ANAPC4: variants seen among roughly 807,000 people sequenced by gnomAD.
The protein encoded by ANAPC4 is anaphase promoting complex subunit 4.
A neutral mutation model predicts 119.8 loss-of-function variants in ANAPC4; 63 were observed. The observed-to-expected ratio is 0.53, with a 90% confidence interval of 0.43 to 0.65. The LOEUF is 0.65. Among genes scored for constraint, ANAPC4 ranks in the 30% least tolerant of loss-of-function variants. ANAPC4 has a pLI of 0.00. For missense variants in ANAPC4, 716 were observed against 945.1 expected (o/e 0.76, Z 3.18); for synonymous variants, 283 against 318.6 (o/e 0.89, Z 1.19).
rs769312617 is a variant in ANAPC4, at chr4:25,383,293, A to G, written c.268A>G (p.Ile90Val). The G allele has an allele frequency of 6.2e-7, 1 of 1,611,242 alleles. No homozygotes were observed. The highest frequency in any genetic ancestry group is 8.5e-7 in the Non-Finnish European group (1 of 1,179,072). Residue 90 changes from isoleucine to valine, a missense_variant, in exon 4 of 29, where the codon ATT becomes GTT. Around this residue, in one of 3 missense-constraint regions of ANAPC4, gnomAD observed 202 missense variants for 293.5 expected, o/e 0.69. Coordinates refer to ENST00000315368, the MANE Select transcript of ANAPC4 (RefSeq NM_013367.3). ...CTTTGCTCTTGCTGATACCAAGAAA[A>G]TTGTTTTGTGTGATGTAGAAAAACC... ...LAFALADTKKIVLCDVEKPES... is the reference protein window; with the variant it reads ...LAFALADTKKVVLCDVEKPES...
In ANAPC4 at chr4:25,418,090, T is replaced by A. The variant is rs1472672980; in HGVS notation, c.2200-65T>A. The A allele has an allele frequency of 2.2e-5, 31 of 1,401,714 alleles. No homozygotes were observed. The South Asian group carries it at 3.9e-4, about 17-fold the overall frequency. 86.8% of individuals were successfully genotyped at this position (1,401,714 alleles called of 1,614,324 possible). On this transcript the variant is annotated intron_variant, in intron 28 of 28. Transcript: ENST00000315368. ...CCATTCTTTGATTCAGACTTCTGAT[T>A]TCTAATTCTTTATATATGATAAGCC... is the stretch of plus-strand genomic sequence containing the variant.
chr4:25,418,163 A>C lies in ANAPC4; in HGVS notation c.2208A>C (p.Ser736=). ...GGCCTTTTCTTTTTTAGTTAAGCTC[A>C]AATCTTCGTCATGTGAGAGTATTTG... ...GFRKVSCVLS[S]NLRHVRVFEM... The change falls in exon 29 of 29, where the codon TCA becomes TCC. Residue 736 remains serine, a synonymous_variant. Coordinates refer to ENST00000315368, the MANE Select transcript of ANAPC4 (RefSeq NM_013367.3). The C allele has an allele frequency of 1.2e-6, 2 of 1,612,582 alleles. No homozygotes were observed. Among genetic ancestry groups the C allele is most frequent in the Middle Eastern group, 3.3e-4 (2 of 6,052 alleles).
At chr4:25,417,419 C>T (rs929212705) in intron 27 of ANAPC4, 197 bp from the exon 28 acceptor site, 1 of 482,844 alleles carries the variant, frequency 2.1e-6, no homozygotes, top group Non-Finnish European at 3.2e-6. Flanking sequence ...CTGTGCCTAG[C>T]CAGAATATAG....
chr4:25,392,279 T>C, intron 9 of ANAPC4, 59 bp from the exon 10 acceptor site: 1 of 1,220,604 alleles, frequency 8.2e-7, no homozygotes, highest in Admixed American at 1.7e-5. Flanking sequence ...CACTCTAAAT[T>C]ACAGACTTTG....
intron 10 of ANAPC4, among the ~76,000 whole-genome samples, chr4:25,392,988 G>C (rs1249141337): frequency 6.6e-6 from 1 of 152,154 alleles, no homozygotes; most frequent in African/African-American, 2.4e-5. Flanking sequence ...GACTTTTGAG[G>C]CCCTGGAGTC....
At chr4:25,416,666 A>G (rs1577404936) in intron 27 of ANAPC4, 68 bp downstream of exon 27, 4 of 1,266,606 alleles carry the variant, frequency 3.2e-6, no homozygotes, top group Non-Finnish European at 4.2e-6. Context: ...ATAAATTCCA[A>G]CCTTTTAGGT....
chr4:25,378,291 T>G (rs557127381), intron 2 of ANAPC4, among the ~76,000 whole-genome samples: 87 of 152,324 alleles, frequency 5.7e-4, no homozygotes, highest in African/African-American at 2.0e-3. Context: ...GCCTCTGGCT[T>G]GAGAGTTATC....
chr4:25,391,044 G>A, intron 9 of ANAPC4, 29 bp downstream of exon 9: 2 of 1,461,600 alleles, frequency 1.4e-6, no homozygotes, highest in South Asian at 2.3e-5. Context: ...TAACGGTAGA[G>A]AGTAAATATG....
rs1191466541 is a variant in ANAPC4, at chr4:25,418,365, C to G, written c.2410C>G (p.Pro804Ala). 1 of 1,613,932 alleles carries G rather than the reference C, an allele frequency of 6.2e-7. No homozygotes were observed. Among genetic ancestry groups the G allele is most frequent in the African/African-American group, 1.3e-5 (1 of 74,988 alleles). The change falls in exon 29 of 29, where the codon CCT (proline) becomes GCT (alanine). Residue 804 changes from proline (P) to alanine (A), a missense_variant. Pro to Ala is a conservative substitution (Grantham distance 27). Coordinates refer to ENST00000315368, the MANE Select transcript of ANAPC4 (RefSeq NM_013367.3). ...AGTCATTAAAGTGGAAAAACTTGAC[C>G]CTGAGCTAGACTCCTAATCTAGCTT... Reference protein sequence around the residue: ...EIVIKVEKLDPELDS With the variant: ...EIVIKVEKLDAELDS
Position 25,417,569 on chromosome 4 carries a change from G to C in ANAPC4, c.2076-47G>C, listed in dbSNP as rs761387257. 7.2e-6 allele frequency: 11 copies of C among 1,528,692 alleles called. No homozygotes were observed. In the South Asian group the frequency reaches 1.5e-4, roughly 20 times the overall value. The allele number at this position is 1,528,692 out of a possible 1,614,324, so 94.7% of individuals were successfully genotyped here. On this transcript the variant is annotated intron_variant, in intron 27 of 28. Coordinates refer to ENST00000315368, the MANE Select transcript of ANAPC4 (RefSeq NM_013367.3). Reference sequence around the variant, plus strand: ...TACCACCTGTAGTAAAACTAGGGAGGATAAGATCCCCTTTTCATTCCTGAG... The same window carrying C: ...TACCACCTGTAGTAAAACTAGGGAGCATAAGATCCCCTTTTCATTCCTGAG...
At chr4:25,417,908 C>A (rs1191494890) in intron 28 of ANAPC4, 169 bp downstream of exon 28, 3 of 1,002,966 alleles carry the variant, frequency 3.0e-6, no homozygotes, top group Non-Finnish European at 4.2e-6. Context: ...CTATTTAGTT[C>A]TTGTTCTGAT....
At chr4:25,379,400 A>G (rs1380539035) in intron 2 of ANAPC4, among the ~76,000 whole-genome samples, 1 of 152,182 alleles carries the variant, frequency 6.6e-6, no homozygotes, top group African/African-American at 2.4e-5. Flanking sequence ...AGCGAGTGGT[A>G]TGGTCTGATT....
chr4:25,409,582 A>C, intron 20 of ANAPC4, 116 bp from the exon 21 acceptor site: 2 of 654,154 alleles, frequency 3.1e-6, no homozygotes, highest in Non-Finnish European at 5.2e-6. Flanking sequence ...AACCGATTTT[A>C]GGCCCTAAGT....
chr4:25,412,363 A>AACC (rs1723616577), intron 21 of ANAPC4, among the ~76,000 whole-genome samples: 1 of 152,098 alleles, frequency 6.6e-6, no homozygotes, highest in African/African-American at 2.4e-5. Context: ...TCAACCTCCA[A>AACC]GCCCCTCTCT....
chr4:25,378,092 A>G (rs1281607092), intron 2 of ANAPC4, among the ~76,000 whole-genome samples: 1 of 152,224 alleles, frequency 6.6e-6, no homozygotes, highest in Non-Finnish European at 1.5e-5. Flanking sequence ...ACCACCCTCC[A>G]CTAAAAATAC....
chr4:25,410,786 G>T (rs1245597286), intron 21 of ANAPC4, among the ~76,000 whole-genome samples: 1 of 152,156 alleles, frequency 6.6e-6, no homozygotes, highest in Non-Finnish European at 1.5e-5. Context: ...TTTGTTTCAA[G>T]CACAAAATTA....
intron 4 of ANAPC4, among the ~76,000 whole-genome samples, chr4:25,387,963 A>G (rs765360362): frequency 2.6e-5 from 4 of 151,990 alleles, no homozygotes; most frequent in African/African-American, 7.2e-5. Context: ...CCATCTCTAA[A>G]AAAAAAAATG....
Position 25,405,594 on chromosome 4 carries a change from A to T in ANAPC4, c.1292A>T (p.Asp431Val). 1 of 1,613,690 alleles carries T rather than the reference A, an allele frequency of 6.2e-7. No individual in the cohort carries two copies. The highest frequency in any genetic ancestry group is 8.5e-7 in the Non-Finnish European group (1 of 1,179,710). The change falls in exon 18 of 29, where the codon GAC becomes GTC. Residue 431 changes from aspartate (D) to valine (V), a missense_variant. Transcript: ENST00000315368. This position sits in a 1 kb window ranked among gnomAD's most constrained non-coding sequence, Gnocchi z 4.6. ...LYVAMLRMTE[D>V]HVLPELNKMT... is the part of the protein sequence containing the mutation. ...CCAGCAATGTTGAGAATGACAGAAG[A>T]CCATGTGCTTCCCGAGCTGAATAAG... is the stretch of plus-strand genomic sequence containing the variant.
At position 25,392,327 on chromosome 4, in the gene ANAPC4, T is replaced by C. The variant is rs1722394615; in HGVS notation, c.706-11T>C. The C allele has an allele frequency of 4.4e-6, 7 of 1,601,142 alleles. No individual in the cohort carries two copies. The highest frequency in any genetic ancestry group is 6.0e-6 in the Non-Finnish European group (7 of 1,169,070). The stretch of plus-strand genomic sequence containing the variant: ...CTGATGATGACTCACTTTACTCTTT[T>C]GATTTTACAGCTTGAAACTAATCTG... On this transcript the variant is annotated splice_polypyrimidine_tract_variant and intron_variant, in intron 9 of 28. Transcript: ENST00000315368.
Sources: gnomAD v4.1 joint callset for allele counts (sites outside exome capture counted in the v4.1 genomes callset) on GRCh38, gnomAD v4.1.1 for gene constraint, gnomAD v4.1.1 regional missense constraint, Gnocchi (gnomAD v3.1) non-coding constraint, MANE v1.5 for transcripts, NCBI Gene and HGNC (gene_info 2026-07-23, HGNC 2026-07-21) for gene names.